The following KHSRP variants were observed in gnomAD, a reference collection of about 807,000 sequenced individuals.
The protein encoded by KHSRP is far upstream element-binding protein 2.
Under a neutral mutation model 94.9 loss-of-function variants are expected in KHSRP, and 13 were observed. That is an observed-to-expected ratio of 0.14 (90% confidence interval 0.09 to 0.22). The LOEUF (loss-of-function observed/expected upper bound fraction) is 0.22, where lower values mean the gene tolerates loss of function less well. Among genes scored for constraint, KHSRP ranks in the 10% least tolerant of loss-of-function variants. The pLI is 1.00. For synonymous variants in KHSRP, 495 were observed against 401.4 expected (o/e 1.23, Z -2.79); for missense variants, 710 against 1,010.0 (o/e 0.70, Z 4.03).
rs763463896 is a variant in KHSRP, at chr19:6,416,745, G to A, written c.1320C>T (p.Ile440=). The A allele has an allele frequency of 1.5e-5, 24 of 1,598,806 alleles. No individual in the cohort carries two copies. Among genetic ancestry groups the A allele is most frequent in the Admixed American group, 3.5e-5 (2 of 57,572 alleles). ...SIPTHKCGLV[I]GRGGENVKAI... ...GCAGGGGGCCACACTCACCTCGGCCGATGACCAGCCCACACTTGTGAGTGG... is the reference window on the plus strand; with the variant it reads ...GCAGGGGGCCACACTCACCTCGGCCAATGACCAGCCCACACTTGTGAGTGG... The change falls in exon 13 of 19, where the codon ATC becomes ATT. Residue 440 remains isoleucine, a synonymous_variant. Coordinates refer to ENST00000600480, the MANE Select transcript of KHSRP (RefSeq NM_001366299.1).
Position 6,418,469 on chromosome 19 carries a change from C to G in KHSRP, c.879+14G>C, listed in dbSNP as rs1376277518. On this transcript the variant is annotated intron_variant, in intron 9 of 18. Coordinates refer to ENST00000600480, the MANE Select transcript of KHSRP (RefSeq NM_001366299.1). The surrounding 1 kb of genome is among the most constrained non-coding windows in gnomAD (Gnocchi z 4.3). ...CTCTCCAGAACCCCCTCCACCACCCCAGGGCGTGCTCACCTGCACTTTGTA... is the reference window on the plus strand; with the variant it reads ...CTCTCCAGAACCCCCTCCACCACCCGAGGGCGTGCTCACCTGCACTTTGTA... The G allele has an allele frequency of 6.2e-7, 1 of 1,608,066 alleles. No homozygotes were observed. Among genetic ancestry groups the G allele is most frequent in the Admixed American group, 1.7e-5 (1 of 59,702 alleles).
chr19:6,417,809 G>T lies in KHSRP; in HGVS notation c.1011C>A (p.Val337=). 6.2e-7 allele frequency: 1 copy of T among 1,613,930 alleles called. No homozygotes were observed. Among genetic ancestry groups the T allele is most frequent in the South Asian group, 1.1e-5 (1 of 91,062 alleles). Reference sequence around the variant, plus strand: ...TGATCATCTCTCCACTCCGGCCAATGACCACGCCAACAGAATGCCTGGGCA... The same window carrying T: ...TGATCATCTCTCCACTCCGGCCAATTACCACGCCAACAGAATGCCTGGGCA... ...VPVPRHSVGV[V]IGRSGEMIKK... Residue 337 remains valine, a synonymous_variant, in exon 11 of 19, where the codon GTC becomes GTA. Transcript: ENST00000600480.
At position 6,422,455 on chromosome 19, in the gene KHSRP, C is replaced by CA. The variant is rs1392475262; in HGVS notation, c.250-20dup. The CA allele has an allele frequency of 6.3e-7, 1 of 1,591,684 alleles. No individual in the cohort carries two copies. Among genetic ancestry groups the CA allele is most frequent in the African/African-American group, 1.3e-5 (1 of 74,614 alleles). On this transcript the variant is annotated intron_variant, in intron 1 of 18. Coordinates refer to ENST00000600480, the MANE Select transcript of KHSRP (RefSeq NM_001366299.1). ...CTGCAATCTAGAATAAAGTAGTAAGCACAGAAGAATTACCACCAAAAACAA... is the reference window on the plus strand; with the variant it reads ...CTGCAATCTAGAATAAAGTAGTAAGCAACAGAAGAATTACCACCAAAAACAA...
rs1384427097 is a variant in KHSRP at position 6,414,027 on chromosome 19, G to A, written c.*997C>T. Reference sequence around the variant, plus strand: ...TCCCCACGGCAGCCATCGCTCTCTCGCCAAACAAAACAGAAGCCCCCAAAC... The same window carrying A: ...TCCCCACGGCAGCCATCGCTCTCTCACCAAACAAAACAGAAGCCCCCAAAC... On this transcript the variant is annotated 3_prime_UTR_variant, in exon 19 of 19. Transcript: ENST00000600480. The A allele has an allele frequency of 2.1e-5, 31 of 1,507,102 alleles. No individual in the cohort carries two copies. Among genetic ancestry groups the A allele is most frequent in the East Asian group, 1.2e-4 (5 of 40,506 alleles). 93.4% of individuals were successfully genotyped at this position (1,507,102 alleles called of 1,614,324 possible).
Position 6,415,902 on chromosome 19 carries a change from G to A in KHSRP, c.1599-6C>T, listed in dbSNP as rs753736667. ...GAGGAGGGGGCCCCCCGGCACTGCA[G>A]GAGAGAAGAAAGGGATGCTTGAGCA... On this transcript the variant is annotated splice_polypyrimidine_tract_variant and splice_region_variant and intron_variant, in intron 15 of 18. Coordinates refer to ENST00000600480, the MANE Select transcript of KHSRP (RefSeq NM_001366299.1). The A allele has an allele frequency of 3.5e-5, 53 of 1,495,022 alleles. No homozygotes were observed. The highest frequency in any genetic ancestry group is 4.6e-5 in the Non-Finnish European group (52 of 1,119,710). The allele number at this position is 1,495,022 out of a possible 1,614,324, so 92.6% of individuals were successfully genotyped here.
chr19:6,417,037 T>G lies in KHSRP; in HGVS notation c.1132A>C (p.Arg378=). 1 of 1,613,630 alleles carries G rather than the reference T, an allele frequency of 6.2e-7. No individual in the cohort carries two copies. The highest frequency in any genetic ancestry group is 8.5e-7 in the Non-Finnish European group (1 of 1,179,846). ...KIAHIMGPPD[R]CEHAARIIND... is the part of the protein sequence containing the mutation. ...ATGATCCGGGCTGCGTGCTCGCACCTGTCTGGGGGCCCCATTATATGAGCA... is the reference window on the plus strand; with the variant it reads ...ATGATCCGGGCTGCGTGCTCGCACCGGTCTGGGGGCCCCATTATATGAGCA... The change falls in exon 12 of 19, where the codon AGG becomes CGG. Residue 378 remains arginine (R), a synonymous_variant. Coordinates refer to ENST00000600480, the MANE Select transcript of KHSRP (RefSeq NM_001366299.1).
At chr19:6,422,566 G>A in intron 1 of KHSRP, 130 bp from the exon 2 acceptor site, 1 of 650,244 alleles carries the variant, frequency 1.5e-6, no homozygotes, top group Non-Finnish European at 2.7e-6. Flanking sequence ...CTCCAACTTA[G>A]GGAAGAGTCA....
intron 4 of KHSRP, 24 bp from the exon 5 acceptor site, chr19:6,420,495 C>A: frequency 1.2e-6 from 2 of 1,612,788 alleles, no homozygotes; most frequent in South Asian, 2.2e-5. Flanking sequence ...CGCCAAAGGT[C>A]AGTCCTCAAG....
intron 18 of KHSRP, 22 bp from the exon 19 acceptor site, chr19:6,415,323 T>C (rs1243179778): frequency 6.2e-7 from 1 of 1,613,390 alleles, no homozygotes; most frequent in Non-Finnish European, 8.5e-7. Flanking sequence ...CAAAGGCAGG[T>C]GAGAGGCTGT....
rs781708638 is a variant in KHSRP at position 6,418,602 on chromosome 19, G to GT, written c.781-22dup. The GT allele has an allele frequency of 9.9e-6, 16 of 1,612,990 alleles. No individual in the cohort carries two copies. The South Asian group carries it at 1.5e-4, about 16-fold the overall frequency. ...CGTTCCTTTACAAGCAAGGTTAACC[G>GT]TTAGTGCTGGGCTCTCCCAGGACTT... On this transcript the variant is annotated intron_variant, in intron 8 of 18. Transcript: ENST00000600480. This position sits in a 1 kb window ranked among gnomAD's most constrained non-coding sequence, Gnocchi z 4.3.
intron 15 of KHSRP, 126 bp from the exon 16 acceptor site, chr19:6,416,022 G>T: frequency 2.9e-6 from 2 of 680,632 alleles, no homozygotes; most frequent in Non-Finnish European, 4.9e-6. Context: ...TCAACGGGGC[G>T]CCTGGGAAAG....
chr19:6,414,274 T>C lies in KHSRP; in HGVS notation c.*750A>G. On this transcript the variant is annotated 3_prime_UTR_variant, in exon 19 of 19. Coordinates refer to ENST00000600480, the MANE Select transcript of KHSRP (RefSeq NM_001366299.1). The stretch of plus-strand genomic sequence containing the variant: ...GCTCAGGCTGGAAGGACGTGCTTGT[T>C]AACTGTCTAGCCAGGTGCTCGCGGG... 6.9e-7 allele frequency: 1 copy of C among 1,446,878 alleles called. No individual in the cohort carries two copies. The highest frequency in any genetic ancestry group is 9.1e-7 in the Non-Finnish European group (1 of 1,095,762). 89.6% of individuals were successfully genotyped at this position (1,446,878 alleles called of 1,614,324 possible). A position where few individuals can be genotyped will look rare whatever the true frequency, so the allele number is the denominator to read the frequency against.
chr19:6,417,193 C>G, intron 11 of KHSRP, 106 bp from the exon 12 acceptor site: 1 of 831,734 alleles, frequency 1.2e-6, no homozygotes, highest in Non-Finnish European at 1.8e-6. Context: ...CCTGAGATCT[C>G]AGACGCGCTG....
rs1242373356 is a variant in KHSRP at position 6,415,626 on chromosome 19, G to C, written c.1796C>G (p.Ala599Gly). The C allele has an allele frequency of 6.6e-7, 1 of 1,522,280 alleles. No homozygotes were observed. The highest frequency in any genetic ancestry group is 8.8e-7 in the Non-Finnish European group (1 of 1,136,060). 94.3% of individuals were successfully genotyped at this position (1,522,280 alleles called of 1,614,324 possible). Residue 599 changes from alanine (A) to glycine (G), a missense_variant, in exon 17 of 19, where the codon GCG becomes GGG. Physicochemically the swap from Ala to Gly is moderately conservative, Grantham distance 60. Transcript: ENST00000600480. ...GGGCTCACCCTGAGCCGGTGGGGCC[G>C]CAGGGGCCGGTGCGGGGCCGGGGAC... ...GPVPGPAPAP[A>G]APPAQGEPPQ...
At position 6,414,614 on chromosome 19, in the gene KHSRP, C is replaced by T. The variant is rs913901771; in HGVS notation, c.*410G>A. On this transcript the variant is annotated 3_prime_UTR_variant, in exon 19 of 19. Coordinates refer to ENST00000600480, the MANE Select transcript of KHSRP (RefSeq NM_001366299.1). Reference sequence around the variant, plus strand: ...GGGGCCTGGGCCGCTCCCCGCGTCCCCACCAGTCCCTGCCAGAGCCAGGCC... The same window carrying T: ...GGGGCCTGGGCCGCTCCCCGCGTCCTCACCAGTCCCTGCCAGAGCCAGGCC... The T allele has an allele frequency of 3.0e-6, 3 of 1,010,834 alleles. No homozygotes were observed. The highest frequency in any genetic ancestry group is 3.5e-6 in the Non-Finnish European group (3 of 847,526). The allele number at this position is 1,010,834 out of a possible 1,614,324, so 62.6% of individuals were successfully genotyped here.
chr19:6,418,464 C>CGGTG lies in KHSRP; in HGVS notation c.879+18_879+19insCACC. On this transcript the variant is annotated intron_variant, in intron 9 of 18. Transcript: ENST00000600480. This position sits in a 1 kb window ranked among gnomAD's most constrained non-coding sequence, Gnocchi z 4.3. Reference sequence around the variant, plus strand: ...CGTGCCTCTCCAGAACCCCCTCCACCACCCCAGGGCGTGCTCACCTGCACT... The same window carrying CGGTG: ...CGTGCCTCTCCAGAACCCCCTCCACCGGTGACCCCAGGGCGTGCTCACCTGCACT... 6.2e-7 allele frequency: 1 copy of CGGTG among 1,601,764 alleles called. No individual in the cohort carries two copies. Among genetic ancestry groups the CGGTG allele is most frequent in the Non-Finnish European group, 8.5e-7 (1 of 1,169,984 alleles).
Position 6,418,915 on chromosome 19 carries a change from G to T in KHSRP, c.606-39C>A. ...GAGCGGGGGATGAGCGGGTGCCACC[G>T]CTGGAGAAAGGTACTGGTCTGGTGG... On this transcript the variant is annotated intron_variant, in intron 7 of 18. Coordinates refer to ENST00000600480, the MANE Select transcript of KHSRP (RefSeq NM_001366299.1). This position sits in a 1 kb window ranked among gnomAD's most constrained non-coding sequence, Gnocchi z 4.3. 1 of 1,506,498 alleles carries T rather than the reference G, an allele frequency of 6.6e-7. No individual in the cohort carries two copies. Among genetic ancestry groups the T allele is most frequent in the East Asian group, 2.3e-5 (1 of 43,636 alleles). 93.3% of individuals were successfully genotyped at this position (1,506,498 alleles called of 1,614,324 possible).
chr19:6,419,275 T>C lies in KHSRP; in HGVS notation c.548-15A>G, dbSNP rs776637765. The C allele has an allele frequency of 9.6e-6, 15 of 1,558,748 alleles. No homozygotes were observed. Among genetic ancestry groups the C allele is most frequent in the Non-Finnish European group, 1.2e-5 (14 of 1,152,840 alleles). On this transcript the variant is annotated splice_polypyrimidine_tract_variant and intron_variant, in intron 6 of 18. Transcript: ENST00000600480. ...GCCACCGCTGTCTGAAAAGAGGAGATAGAGTCAGTGCCCTCCCTGGCCCAC... is the reference window on the plus strand; with the variant it reads ...GCCACCGCTGTCTGAAAAGAGGAGACAGAGTCAGTGCCCTCCCTGGCCCAC...
At position 6,413,969 on chromosome 19, in the gene KHSRP, C is replaced by G; in HGVS notation, c.*1055G>C. 1 of 1,123,032 alleles carries G rather than the reference C, an allele frequency of 8.9e-7. No individual in the cohort carries two copies. The highest frequency in any genetic ancestry group is 1.2e-6 in the Non-Finnish European group (1 of 813,702). 69.6% of individuals were successfully genotyped at this position (1,123,032 alleles called of 1,614,324 possible). A position where few individuals can be genotyped will look rare whatever the true frequency, so the allele number is the denominator to read the frequency against. ...GGGCCCGGCATGCCCCCAAGTCCCC[C>G]CCACCCTGCTTGCCGCGAGGGCTCC... On this transcript the variant is annotated 3_prime_UTR_variant, in exon 19 of 19. Transcript: ENST00000600480.
Sources: allele counts gnomAD v4.1 joint callset, GRCh38; gene constraint gnomAD v4.1.1; non-coding constraint Gnocchi (gnomAD v3.1); transcripts MANE v1.5; gene names NCBI Gene and HGNC (gene_info 2026-07-23, HGNC 2026-07-21).